AOPEP: variants seen among roughly 807,000 people sequenced by gnomAD.
The protein encoded by AOPEP is aminopeptidase O (putative).
A neutral mutation model predicts 98.1 loss-of-function variants in AOPEP; 77 were observed. That is an observed-to-expected ratio of 0.78 (90% confidence interval 0.65 to 0.95). AOPEP has a LOEUF of 0.95. Ranked by LOEUF, AOPEP falls within the 40% of genes least tolerant of loss-of-function variation. The pLI, the probability that AOPEP is intolerant of heterozygous loss-of-function variation, is 0.00. For synonymous variants in AOPEP, 346 were observed against 365.3 expected, an observed-to-expected ratio of 0.95 and a Z score of 0.60; for missense variants, 1,024 against 1,024.7, an observed-to-expected ratio of 1.00 and a Z score of 0.01.
At chr9:95,137,924 G>T in the AOPEP span, among the ~76,000 whole-genome samples, 1 of 152,388 alleles carries the variant, frequency 6.6e-6, no homozygotes, top group East Asian at 1.9e-4. Context: ...TGGAGGTGAA[G>T]CCAGGACTGC....
At chr9:94,810,835 A>G (rs2584805) in intron 5 of AOPEP, among the ~76,000 whole-genome samples, 6,052 of 152,300 alleles carry the variant, frequency 0.04, 164 homozygotes, top group Admixed American at 0.072. Flanking sequence ...GTTAATTGCA[A>G]AATAAACAGA....
At chr9:94,999,348 C>G (rs1266177201) in intron 11 of AOPEP, among the ~76,000 whole-genome samples, 1 of 152,122 alleles carries the variant, frequency 6.6e-6, no homozygotes, top group African/African-American at 2.4e-5. Context: ...CCCTGAAGTT[C>G]CTATGCCTGG....
chr9:95,055,924 C>T (rs1259503515), intron 13 of AOPEP, among the ~76,000 whole-genome samples: 4 of 151,836 alleles, frequency 2.6e-5, no homozygotes, highest in Non-Finnish European at 4.4e-5. Context: ...CAGTTCCCTG[C>T]GTAGTAACAT....
intron 5 of AOPEP, among the ~76,000 whole-genome samples, chr9:94,803,527 A>G (rs557808183): frequency 2.0e-5 from 3 of 152,290 alleles, no homozygotes; most frequent in Admixed American, 1.3e-4. Context: ...TCTGTTTTTG[A>G]GCTGGATTCT....
intron 14 of AOPEP, among the ~76,000 whole-genome samples, chr9:95,067,347 A>C (rs1437043424): frequency 2.0e-5 from 3 of 152,246 alleles, no homozygotes. Context: ...ACATAAACAC[A>C]GTAGAGATTG....
intron 7 of AOPEP, chr9:94,933,659 G>A: frequency 1.0e-6 from 1 of 985,392 alleles, no homozygotes; most frequent in Non-Finnish European, 1.2e-6. Flanking sequence ...CCAAAATAAA[G>A]TCTGCATGCC....
chr9:94,902,765 T>TC (rs2050581288), intron 5 of AOPEP, among the ~76,000 whole-genome samples: 1 of 151,758 alleles, frequency 6.6e-6, no homozygotes, highest in African/African-American at 2.4e-5. Context: ...TTAAAATCTT[T>TC]TTTTTTTTTG....
chr9:94,902,176 C>G (rs2050504140), intron 5 of AOPEP, among the ~76,000 whole-genome samples: 2 of 152,136 alleles, frequency 1.3e-5, no homozygotes, highest in Non-Finnish European at 2.9e-5. Flanking sequence ...CACGGTTTAG[C>G]TTTCCAGTGA....
At chr9:95,113,153 C>T in the AOPEP span, among the ~76,000 whole-genome samples, 1 of 152,200 alleles carries the variant, frequency 6.6e-6, no homozygotes, top group South Asian at 2.1e-4. Flanking sequence ...TGGCCAACCC[C>T]GCAGCCTCCA....
At chr9:94,818,888 G>A (rs1398485394) in intron 5 of AOPEP, among the ~76,000 whole-genome samples, 2 of 152,116 alleles carry the variant, frequency 1.3e-5, no homozygotes, top group African/African-American at 4.8e-5. Context: ...CAGCCACTCG[G>A]GACGCTGAGG....
chr9:94,944,995 AACAATC>A (rs1564425891), intron 7 of AOPEP, among the ~76,000 whole-genome samples: 1 of 152,174 alleles, frequency 6.6e-6, no homozygotes, highest in Admixed American at 6.5e-5. Context: ...GGGGTTGATC[AACAATC>A]ATCTGGAGGA....
chr9:94,955,190 A>G lies in AOPEP; in HGVS notation c.1675A>G (p.Lys559Glu). 1 of 1,611,756 alleles carries G rather than the reference A, an allele frequency of 6.2e-7. No individual in the cohort carries two copies. The highest frequency in any genetic ancestry group is 2.2e-5 in the East Asian group (1 of 44,876). The change falls in exon 8 of 17, where the codon AAA becomes GAA. Residue 559 changes from lysine (K) to glutamate (E), a missense_variant. Coordinates refer to ENST00000375315, the MANE Select transcript of AOPEP (RefSeq NM_001193329.3). ...EMQVLRPSKD[K>E]TGHTSDSGAS... is the part of the protein sequence containing the mutation. ...AAATCGTTTTAGACCCAGTAAAGAC[A>G]AAACTGGCCACACAAGTGACTCGGG... is the stretch of plus-strand genomic sequence containing the variant.
intron 14 of AOPEP, among the ~76,000 whole-genome samples, chr9:95,070,684 G>GTAAATAAATACATCAGAC (rs2068407708): frequency 6.6e-6 from 1 of 152,270 alleles, no homozygotes; most frequent in Non-Finnish European, 1.5e-5. Flanking sequence ...GCATGATGCT[G>GTAAATAAATACATCAGAC]TAAATAAATA....
chr9:94,770,983 T>A (rs1393222760), intron 2 of AOPEP, among the ~76,000 whole-genome samples: 1 of 152,186 alleles, frequency 6.6e-6, no homozygotes, highest in Non-Finnish European at 1.5e-5. Flanking sequence ...AGCACATCAC[T>A]TACTAAGTCC....
At chr9:94,940,343 T>C (rs189945995) in intron 7 of AOPEP, among the ~76,000 whole-genome samples, 1 of 152,332 alleles carries the variant, frequency 6.6e-6, no homozygotes, top group Non-Finnish European at 1.5e-5. Context: ...CGGTGGCTCA[T>C]GCCTGTAATC....
intron 14 of AOPEP, among the ~76,000 whole-genome samples, chr9:95,078,819 C>T (rs944076355): frequency 6.6e-6 from 1 of 152,220 alleles, no homozygotes; most frequent in African/African-American, 2.4e-5. Flanking sequence ...GGGACGGAGG[C>T]GTCCAGCGGG....
chr9:94,905,942 G>T (rs147192707), intron 5 of AOPEP, among the ~76,000 whole-genome samples: 6 of 152,298 alleles, frequency 3.9e-5, no homozygotes, highest in Admixed American at 2.6e-4. Context: ...AGATCATGCA[G>T]CAGAATGCAG....
chr9:95,058,162 A>G (rs1253547319), intron 13 of AOPEP, among the ~76,000 whole-genome samples: 1 of 152,196 alleles, frequency 6.6e-6, no homozygotes, highest in Non-Finnish European at 1.5e-5. Flanking sequence ...GTATTTTTGT[A>G]GGTTCACATA....
At chr9:95,066,302 C>G (rs1216421911) in intron 14 of AOPEP, among the ~76,000 whole-genome samples, 1 of 152,162 alleles carries the variant, frequency 6.6e-6, no homozygotes, top group African/African-American at 2.4e-5. Flanking sequence ...AGCATCTCCC[C>G]TGTTATACTG....
Sources: gnomAD v4.1 joint callset for allele counts (sites outside exome capture counted in the v4.1 genomes callset) on GRCh38, gnomAD v4.1.1 for gene constraint, MANE v1.5 for transcripts, NCBI Gene and HGNC (gene_info 2026-07-23, HGNC 2026-07-21) for gene names.